The following TMTC1 variants were observed in gnomAD, a reference collection of about 807,000 sequenced individuals.
TMTC1 encodes the protein transmembrane O-mannosyltransferase targeting cadherins 1, also known as protein O-mannosyl-transferase TMTC1.
In TMTC1, 73 loss-of-function variants were observed where a neutral mutation model predicts 104.8. The observed-to-expected ratio is 0.70, with a 90% CI of 0.58 to 0.85. TMTC1 has a LOEUF of 0.85. Ranked by LOEUF, TMTC1 falls within the 40% of genes least tolerant of loss-of-function variation. The pLI, the probability that TMTC1 is intolerant of heterozygous loss-of-function variation, is 0.00. For missense variants in TMTC1, 1,035 were observed against 1,096.1 expected, an observed-to-expected ratio of 0.94 and a Z score of 0.79; for synonymous variants, 434 against 428.7, an observed-to-expected ratio of 1.01 and a Z score of -0.15.
chr12:29,722,374 TTA>T (rs1942259553), intron 5 of TMTC1, among the ~76,000 whole-genome samples: 1 of 152,114 alleles, frequency 6.6e-6, no homozygotes, highest in Admixed American at 6.5e-5. Context: ...TGTTAAAGAT[TTA>T]TATGTTAAAA....
At chr12:29,768,550 T>C (rs1350983384) in intron 1 of TMTC1, among the ~76,000 whole-genome samples, 1 of 152,162 alleles carries the variant, frequency 6.6e-6, no homozygotes, top group East Asian at 1.9e-4. Context: ...ATGAATGTGT[T>C]CTCTCACCCA....
rs543324542 is a variant in TMTC1 at position 29,767,118 on chromosome 12, T to G, written c.480+780A>C. Among the ~76,000 whole-genome samples the G allele has an allele frequency of 1.7e-4, 25 of 150,620 alleles. No individual in the cohort carries two copies. The East Asian group carries it at 4.6e-3, about 28-fold the overall frequency. ...GCACCCGCCACTGCACCTGGCTAAG[T>G]TTTTTTGTAATTTTAGTAGACATGG... On this transcript the variant is annotated intron_variant, in intron 2 of 17. Coordinates refer to ENST00000539277, the MANE Select transcript of TMTC1 (RefSeq NM_001193451.2).
At chr12:29,714,067 A>G (rs1392079703) in intron 5 of TMTC1, among the ~76,000 whole-genome samples, 2 of 152,206 alleles carry the variant, frequency 1.3e-5, no homozygotes, top group East Asian at 3.9e-4. Flanking sequence ...GCCCTAATCT[A>G]CCAGCACCTT....
chr12:29,511,929 A>C, intron 17 of TMTC1, 114 bp downstream of exon 17: 1 of 1,057,618 alleles, frequency 9.5e-7, no homozygotes, highest in South Asian at 1.3e-5. Context: ...TTTGATATTC[A>C]AATGATTTCA....
chr12:29,678,387 C>G (rs748124012), intron 5 of TMTC1, among the ~76,000 whole-genome samples: 1 of 152,224 alleles, frequency 6.6e-6, no homozygotes, highest in Middle Eastern at 3.4e-3. Context: ...GGTAAGTGGA[C>G]GTGACAGGCA....
Position 29,501,487 on chromosome 12 carries a change from T to C in TMTC1, c.*5359A>G, listed in dbSNP as rs558429900. The C allele has an allele frequency of 4.7e-4, 72 of 152,254 alleles. No individual in the cohort carries two copies. Among genetic ancestry groups the C allele is most frequent in the African/African-American group, 1.7e-3 (72 of 41,540 alleles). 9.4% of individuals were successfully genotyped at this position (152,254 alleles called of 1,614,324 possible). A position where few individuals can be genotyped will look rare whatever the true frequency, so the allele number is the denominator to read the frequency against. ...AACTTGCCCCAGGTAAGGTGGCTCT[T>C]CAGTGGCAGAGCTAGAACTAGAACT... On this transcript the variant is annotated 3_prime_UTR_variant, in exon 18 of 18. Transcript: ENST00000539277.
At chr12:29,544,056 C>A (rs1302864014) in intron 10 of TMTC1, among the ~76,000 whole-genome samples, 1 of 151,958 alleles carries the variant, frequency 6.6e-6, no homozygotes, top group Non-Finnish European at 1.5e-5. Context: ...CCAGCCTGGC[C>A]AACATGGTGA....
chr12:29,651,534 C>T (rs940677041), intron 5 of TMTC1, among the ~76,000 whole-genome samples: 1 of 152,214 alleles, frequency 6.6e-6, no homozygotes, highest in Non-Finnish European at 1.5e-5. Context: ...CTCTGCTACA[C>T]TGACTTAGCC....
At chr12:29,752,755 A>G (rs1372716615) in intron 4 of TMTC1, among the ~76,000 whole-genome samples, 1 of 152,222 alleles carries the variant, frequency 6.6e-6, no homozygotes, top group Admixed American at 6.5e-5. Flanking sequence ...CCATTTATGT[A>G]AAGTTTGAAA....
chr12:29,741,639 T>C (rs1179301710), intron 5 of TMTC1, among the ~76,000 whole-genome samples: 1 of 152,166 alleles, frequency 6.6e-6, no homozygotes, highest in African/African-American at 2.4e-5. Context: ...ACCTGAGAAA[T>C]AGCTATTCTC....
intron 8 of TMTC1, among the ~76,000 whole-genome samples, chr12:29,578,034 A>G (rs1279596729): frequency 4.6e-5 from 7 of 152,116 alleles, no homozygotes; most frequent in Non-Finnish European, 8.8e-5. Context: ...TACAACTGGC[A>G]TATTTATTGA....
At chr12:29,753,650 TCCTA>T (rs1480416789) in intron 4 of TMTC1, among the ~76,000 whole-genome samples, 8 of 152,244 alleles carry the variant, frequency 5.3e-5, no homozygotes, top group African/African-American at 1.9e-4. Flanking sequence ...TCTGGTTCCT[TCCTA>T]CCACTTTTTA....
intron 5 of TMTC1, among the ~76,000 whole-genome samples, chr12:29,736,236 C>T (rs539263925): frequency 1.5e-4 from 22 of 144,156 alleles, no homozygotes; most frequent in Non-Finnish European, 2.8e-4. Context: ...GAGCTCCACC[C>T]GTAGTTTCAC....
chr12:29,773,817 C>T (rs977292217), intron 1 of TMTC1, among the ~76,000 whole-genome samples: 1 of 152,132 alleles, frequency 6.6e-6, no homozygotes, highest in Admixed American at 6.5e-5. Context: ...AGCTCTGCCA[C>T]TTGGTCTTTG....
intron 6 of TMTC1, among the ~76,000 whole-genome samples, chr12:29,621,464 G>T (rs182789096): frequency 6.6e-6 from 1 of 152,306 alleles, no homozygotes; most frequent in African/African-American, 2.4e-5. Flanking sequence ...GTGAAAGACT[G>T]CATGGGCAGC....
At chr12:29,753,733 T>C (rs1002749839) in intron 4 of TMTC1, among the ~76,000 whole-genome samples, 2 of 152,240 alleles carry the variant, frequency 1.3e-5, no homozygotes, top group Admixed American at 1.3e-4. Context: ...TAGATGCTCT[T>C]TGCGGGAAGG....
intron 5 of TMTC1, among the ~76,000 whole-genome samples, chr12:29,676,258 T>C (rs910768187): frequency 6.6e-6 from 1 of 152,226 alleles, no homozygotes; most frequent in Non-Finnish European, 1.5e-5. Context: ...ATTTAAAAGT[T>C]TGTGAGTTTT....
intron 5 of TMTC1, among the ~76,000 whole-genome samples, chr12:29,663,881 A>C (rs1298889238): frequency 2.0e-5 from 3 of 152,120 alleles, no homozygotes; most frequent in African/African-American, 7.2e-5. Context: ...TCATATTTGT[A>C]AAGTGTCCCC....
intron 9 of TMTC1, chr12:29,568,775 C>A: frequency 2.6e-6 from 1 of 378,874 alleles, no homozygotes. Context: ...TCTTTCGGGG[C>A]TTATTAGCTG....
Sources: allele counts gnomAD v4.1 joint callset (sites outside exome capture counted in the v4.1 genomes callset), GRCh38; gene constraint gnomAD v4.1.1; transcripts MANE v1.5; gene names NCBI Gene and HGNC (gene_info 2026-07-23, HGNC 2026-07-21).